The following MITD1 variants were observed in gnomAD, a reference collection of about 807,000 sequenced individuals.
MITD1 encodes the protein MIT domain-containing protein 1.
Under a neutral mutation model 34.9 loss-of-function variants are expected in MITD1, and 24 were observed. The observed-to-expected ratio is 0.69, with a 90% CI of 0.50 to 0.97. The LOEUF (loss-of-function observed/expected upper bound fraction) is 0.97, where lower values mean the gene tolerates loss of function less well. Ranked by LOEUF, MITD1 falls within the 50% of genes least tolerant of loss-of-function variation. The probability of loss-of-function intolerance (pLI) is 0.00; values close to 1 mark genes in which losing one functional copy is unlikely to be tolerated. For synonymous variants in MITD1, 102 were observed against 101.4 expected, an observed-to-expected ratio of 1.01 and a Z score of -0.04; for missense variants, 266 against 294.6, an observed-to-expected ratio of 0.90 and a Z score of 0.71.
rs763240817 is a variant in MITD1 at position 99,171,503 on chromosome 2, C to T, written c.390+7G>A. 8.8e-6 allele frequency: 14 copies of T among 1,599,544 alleles called. No homozygotes were observed. The highest frequency in any genetic ancestry group is 1.2e-5 in the Non-Finnish European group (14 of 1,167,158). Reference sequence around the variant, plus strand: ...ATATTTCATTATATTTTAGTATGTTCACATACCTGATGAGTATGTCTAATA... The same window carrying T: ...ATATTTCATTATATTTTAGTATGTTTACATACCTGATGAGTATGTCTAATA... On this transcript the variant is annotated splice_region_variant and intron_variant, in intron 3 of 6. Coordinates refer to ENST00000289359, the MANE Select transcript of MITD1 (RefSeq NM_138798.3).
At chr2:99,162,432 C>T (rs770926055) in intron 7 of MITD1, 5 of 1,613,842 alleles carry the variant, frequency 3.1e-6, no homozygotes, top group Non-Finnish European at 4.2e-6. Flanking sequence ...ACTTGATGGA[C>T]AGTTTAAAAT....
chr2:99,173,188 G>A (rs1214675692), intron 2 of MITD1: 1 of 197,688 alleles, frequency 5.1e-6, no homozygotes, highest in Non-Finnish European at 1.1e-5. Context: ...GGTCCCCAGG[G>A]TATGTACTGA....
At chr2:99,173,410 C>T (rs2093869144) in intron 2 of MITD1, 1 of 456,616 alleles carries the variant, frequency 2.2e-6, no homozygotes, top group Non-Finnish European at 4.6e-6. Context: ...GGAACAATAC[C>T]TACCTGACCT....
At chr2:99,176,674 G>C (rs1017600806) in intron 1 of MITD1, among the ~76,000 whole-genome samples, 28 of 142,714 alleles carry the variant, frequency 2.0e-4, no homozygotes, top group Admixed American at 9.7e-4. Flanking sequence ...GTATGTGTGC[G>C]TGTGTGTGTG....
downstream of MITD1, among the ~76,000 whole-genome samples, chr2:99,165,059 C>CATATAT (rs1183142710): frequency 8.6e-6 from 1 of 116,380 alleles, no homozygotes; most frequent in Non-Finnish European, 1.9e-5. Context: ...CACACACACA[C>CATATAT]ACATATATAT....
intron 1 of MITD1, among the ~76,000 whole-genome samples, chr2:99,180,529 C>A (rs1279713386): frequency 6.6e-6 from 1 of 152,186 alleles, no homozygotes; most frequent in Non-Finnish European, 1.5e-5. Flanking sequence ...CCAAAAATGT[C>A]TTTTAAAGTT....
chr2:99,161,986 G>A, exon 8 of MITD1: 1 of 1,604,990 alleles, frequency 6.2e-7, no homozygotes. Flanking sequence ...ATGAAGAATT[G>A]CTTCCAGTTA....
downstream of MITD1, among the ~76,000 whole-genome samples, chr2:99,169,040 T>G (rs1037400769): frequency 6.6e-6 from 1 of 150,570 alleles, no homozygotes; most frequent in African/African-American, 2.4e-5. Flanking sequence ...ATGGTGTCTT[T>G]CCCTCCTGGA....
chr2:99,174,244 A>G (rs2093874564), intron 1 of MITD1, among the ~76,000 whole-genome samples: 1 of 152,128 alleles, frequency 6.6e-6, no homozygotes, highest in East Asian at 1.9e-4. Flanking sequence ...TCTTGACACT[A>G]TGTCTCATCT....
chr2:99,168,512 A>G (rs191982343), downstream of MITD1, among the ~76,000 whole-genome samples: 4 of 152,302 alleles, frequency 2.6e-5, no homozygotes, highest in Admixed American at 6.5e-5. Context: ...TCTCCATGGA[A>G]TCTATTCTGT....
In MITD1 at chr2:99,170,536, C is replaced by G. The variant is rs748229588; in HGVS notation, c.593+1G>C. 4.3e-6 allele frequency: 6 copies of G among 1,410,282 alleles called. No homozygotes were observed. The African/African-American group carries it at 8.4e-5, about 20-fold the overall frequency. The allele number at this position is 1,410,282 out of a possible 1,614,324, so 87.4% of individuals were successfully genotyped here. On this transcript the variant is annotated splice_donor_variant, in intron 5 of 6. Coordinates refer to ENST00000289359, the MANE Select transcript of MITD1 (RefSeq NM_138798.3). LOFTEE classifies it high-confidence loss of function. ...AAATTAAAACATTATTGTAGACTAA[C>G]CTAATTTCTCGGTCATGTATTGAAG...
At chr2:99,165,019 T>TGC (rs2093820118), downstream of MITD1, among the ~76,000 whole-genome samples, 1 of 136,670 alleles carries the variant, frequency 7.3e-6, no homozygotes. Context: ...CAAAATGGCA[T>TGC]ACACACACAC....
At chr2:99,169,735 G>T in intron 5 of MITD1, 125 bp from the exon 6 acceptor site, 1 of 658,056 alleles carries the variant, frequency 1.5e-6, no homozygotes, top group Non-Finnish European at 2.7e-6. Context: ...CCAGTGGCAT[G>T]AGTTGAATCA....
chr2:99,173,697 T>C, intron 2 of MITD1: 1 of 572,848 alleles, frequency 1.7e-6, no homozygotes, highest in Non-Finnish European at 3.1e-6. Flanking sequence ...GTGTCTGATA[T>C]TCCCACCCCC....
chr2:99,165,019 TACACACACACACAC>T (rs56958044), downstream of MITD1, among the ~76,000 whole-genome samples: 866 of 136,760 alleles, frequency 6.3e-3, 22 homozygotes, highest in East Asian at 0.073. Context: ...CAAAATGGCA[TACACACACACACAC>T]ACACACACAC....
chr2:99,162,942 T>A, intron 7 of MITD1: 4 of 1,613,952 alleles, frequency 2.5e-6, no homozygotes, highest in Non-Finnish European at 3.4e-6. Flanking sequence ...CAAATTAAAT[T>A]CAAGTCTTAT....
intron 2 of MITD1, chr2:99,173,451 T>A: frequency 2.1e-6 from 1 of 469,684 alleles, no homozygotes; most frequent in Non-Finnish European, 4.4e-6. Context: ...ACTCCTGAGG[T>A]GTTTTGATTC....
At chr2:99,176,402 T>C (rs2105226666) in intron 1 of MITD1, among the ~76,000 whole-genome samples, 1 of 151,894 alleles carries the variant, frequency 6.6e-6, no homozygotes, top group East Asian at 1.9e-4. Flanking sequence ...CTCGGCTTAC[T>C]GCAACCTCCG....
chr2:99,171,252 T>C lies in MITD1; in HGVS notation c.477+91A>G, dbSNP rs1190786321. ...TAATTCCCAAGGAAACAAATCTAGC[T>C]GAAGCACTGCATCTGTGTTCTCCTT... is the stretch of plus-strand genomic sequence containing the variant. On this transcript the variant is annotated intron_variant, in intron 4 of 6. Transcript: ENST00000289359. 7 of 898,612 alleles carry C rather than the reference T, an allele frequency of 7.8e-6. No homozygotes were observed. In the African/African-American group the frequency reaches 1.2e-4, roughly 15 times the overall value. The allele number at this position is 898,612 out of a possible 1,614,324, so 55.7% of individuals were successfully genotyped here. A position where few individuals can be genotyped will look rare whatever the true frequency, so the allele number is the denominator to read the frequency against.
Sources: allele counts gnomAD v4.1 joint callset (sites outside exome capture counted in the v4.1 genomes callset), GRCh38; gene constraint gnomAD v4.1.1; transcripts MANE v1.5; gene names NCBI Gene and HGNC (gene_info 2026-07-23, HGNC 2026-07-21).